The following CRNKL1 variants were observed in gnomAD, a reference collection of about 807,000 sequenced individuals.
CRNKL1 encodes crooked neck-like protein 1.
CRNKL1 carries 35 observed loss-of-function variants against 103.7 expected under a neutral mutation model. The ratio of observed to expected loss-of-function variants is 0.34; its 90% CI spans 0.26 to 0.45. The LOEUF (loss-of-function observed/expected upper bound fraction) is 0.45, where lower values mean the gene tolerates loss of function less well. Ranked by LOEUF, CRNKL1 falls within the 20% of genes least tolerant of loss-of-function variation. The pLI is 1.00. For synonymous variants in CRNKL1, 267 were observed against 282.6 expected, an observed-to-expected ratio of 0.94 and a Z score of 0.55; for missense variants, 645 against 836.0, an observed-to-expected ratio of 0.77 and a Z score of 2.82.
chr20:20,052,394 T>C lies in CRNKL1; in HGVS notation c.-52A>G, dbSNP rs753929976. 1 of 1,614,152 alleles carries C rather than the reference T, an allele frequency of 6.2e-7. No homozygotes were observed. ...CTGTCCCCGGCACGGACGCTAGAAATCGGCTCTGAGAGCTCACCGAAACCA... is the reference window on the plus strand; with the variant it reads ...CTGTCCCCGGCACGGACGCTAGAAACCGGCTCTGAGAGCTCACCGAAACCA... On this transcript the variant is annotated 5_prime_UTR_variant, in exon 1 of 14. Transcript: ENST00000536226.
At chr20:20,036,716 A>G (rs775163482) in intron 13 of CRNKL1, among the ~76,000 whole-genome samples, 7 of 152,234 alleles carry the variant, frequency 4.6e-5, no homozygotes, top group Non-Finnish European at 8.8e-5. Flanking sequence ...ACATCTGTGC[A>G]TTATTATTCC....
intron 9 of CRNKL1, 103 bp from the exon 10 acceptor site, chr20:20,040,869 C>T: frequency 1.3e-6 from 1 of 777,436 alleles, no homozygotes; most frequent in South Asian, 1.7e-5. Context: ...AATTCGATTT[C>T]TCTAAAACTT....
chr20:20,042,585 T>C, intron 7 of CRNKL1, 69 bp from the exon 8 acceptor site: 1 of 1,417,274 alleles, frequency 7.1e-7, no homozygotes. Flanking sequence ...TTAAGCAAGC[T>C]GAAAAAAGGC....
Position 20,040,775 on chromosome 20 carries a change from CA to C in CRNKL1, c.1225-10del. 6.3e-7 allele frequency: 1 copy of C among 1,582,072 alleles called. No homozygotes were observed. Among genetic ancestry groups the C allele is most frequent in the Admixed American group, 1.7e-5 (1 of 58,180 alleles). The stretch of plus-strand genomic sequence containing the variant: ...ATTTTGGCAAATGTGAACTAGAAAA[CA>C]AAAGCACAAAAATATCTAGCTTAAA... On this transcript the variant is annotated splice_polypyrimidine_tract_variant and intron_variant, in intron 9 of 13. Coordinates refer to ENST00000536226, the MANE Select transcript of CRNKL1 (RefSeq NM_001278628.2).
At position 20,049,424 on chromosome 20, in the gene CRNKL1, TCA is replaced by T; in HGVS notation, c.210_211del (p.Phe70LeufsTer3). 1 of 1,582,496 alleles carries T rather than the reference TCA, an allele frequency of 6.3e-7. No homozygotes were observed. Among genetic ancestry groups the T allele is most frequent in the Non-Finnish European group, 8.6e-7 (1 of 1,157,246 alleles). On this transcript the variant is annotated frameshift_variant, in exon 3 of 14. Transcript: ENST00000536226. LOFTEE classifies it high-confidence loss of function. ...AGTCCTGTTTTTTCTTATATTATCT[TCA>T]AAAGTCTGGAAGAAGGCAAAAAGGG... is the stretch of plus-strand genomic sequence containing the variant.
chr20:20,039,568 A>G (rs2043478708), intron 11 of CRNKL1, 41 bp downstream of exon 11: 2 of 1,609,794 alleles, frequency 1.2e-6, no homozygotes, highest in Admixed American at 1.7e-5. Flanking sequence ...AAGACTAAAC[A>G]CGTATCTCAA....
At position 20,046,682 on chromosome 20, in the gene CRNKL1, G is replaced by A. The variant is rs138331806; in HGVS notation, c.622+1083C>T. Among the ~76,000 whole-genome samples, 67 of 152,310 alleles carry A rather than the reference G, an allele frequency of 4.4e-4. No homozygotes were observed. The East Asian group carries it at 9.5e-3, about 22-fold the overall frequency. Reference sequence around the variant, plus strand: ...AATGTTAAGTGACTGGACTGAGGCTGCCCCACTGACAGGGATTCAAACTCC... The same window carrying A: ...AATGTTAAGTGACTGGACTGAGGCTACCCCACTGACAGGGATTCAAACTCC... On this transcript the variant is annotated intron_variant, in intron 5 of 13. Coordinates refer to ENST00000536226, the MANE Select transcript of CRNKL1 (RefSeq NM_001278628.2).
At chr20:20,036,470 T>C (rs377057878) in intron 13 of CRNKL1, 108 bp from the exon 14 acceptor site, 3 of 1,041,778 alleles carry the variant, frequency 2.9e-6, no homozygotes, top group Non-Finnish European at 4.2e-6. Flanking sequence ...TTTTACAAAA[T>C]AACATCAAAG....
chr20:20,049,892 ACTG>A (rs2043658813), intron 2 of CRNKL1, among the ~76,000 whole-genome samples: 4 of 151,058 alleles, frequency 2.6e-5, no homozygotes, highest in Non-Finnish European at 5.9e-5. Context: ...ATCTCGGCTC[ACTG>A]CAGCCTCTGC....
chr20:20,053,182 T>A (rs924505083), upstream of CRNKL1, among the ~76,000 whole-genome samples: 2 of 152,338 alleles, frequency 1.3e-5, no homozygotes, highest in South Asian at 4.1e-4. Context: ...AGATGTTAGC[T>A]GTTATAATAC....
At chr20:20,053,427 C>T, upstream of CRNKL1, among the ~76,000 whole-genome samples, 1 of 152,192 alleles carries the variant, frequency 6.6e-6, no homozygotes, top group Admixed American at 6.5e-5. Context: ...TACATTGACA[C>T]ATCATTATCA....
chr20:20,043,474 A>T lies in CRNKL1; in HGVS notation c.972+18T>A. ...TCTTGGGTTATCTGCAGAGTTGACC[A>T]TCCACACCAGTGCTCACCTTCACTT... On this transcript the variant is annotated intron_variant, in intron 7 of 13. Coordinates refer to ENST00000536226, the MANE Select transcript of CRNKL1 (RefSeq NM_001278628.2). 1 of 1,609,496 alleles carries T rather than the reference A, an allele frequency of 6.2e-7. No homozygotes were observed. Among genetic ancestry groups the T allele is most frequent in the Non-Finnish European group, 8.5e-7 (1 of 1,176,154 alleles).
chr20:20,041,074 T>C (rs886811455), intron 9 of CRNKL1, among the ~76,000 whole-genome samples: 7 of 152,362 alleles, frequency 4.6e-5, no homozygotes, highest in Middle Eastern at 3.4e-3. Context: ...GACTTTGTTT[T>C]GTAGGCATGC....
At position 20,052,328 on chromosome 20, in the gene CRNKL1, G is replaced by A. The variant is rs779297090; in HGVS notation, c.15C>T (p.Thr5=). MAAS[T]AAGKQRIPKV... Reference sequence around the variant, plus strand: ...TGGGAATCCGCTGCTTCCCGGCCGCGGTGGAGGCCGCCATGTCTGCAGCAG... The same window carrying A: ...TGGGAATCCGCTGCTTCCCGGCCGCAGTGGAGGCCGCCATGTCTGCAGCAG... Residue 5 remains threonine, a synonymous_variant, in exon 1 of 14, where the codon ACC becomes ACT. Transcript: ENST00000536226. The A allele has an allele frequency of 5.9e-5, 95 of 1,612,686 alleles. No individual in the cohort carries two copies. The highest frequency in any genetic ancestry group is 7.5e-5 in the Non-Finnish European group (89 of 1,179,660).
chr20:20,052,441 AGG>A lies in CRNKL1; in HGVS notation c.-101_-100del, dbSNP rs750639927. On this transcript the variant is annotated 5_prime_UTR_variant, in exon 1 of 14. Coordinates refer to ENST00000536226, the MANE Select transcript of CRNKL1 (RefSeq NM_001278628.2). ...ACCACAAAGCTTTCAGAAAACAAAC[AGG>A]ATCTCGGAACCGGAAGCGGAACTTG... 6.2e-7 allele frequency: 1 copy of A among 1,614,100 alleles called. No homozygotes were observed. Among genetic ancestry groups the A allele is most frequent in the African/African-American group, 1.3e-5 (1 of 74,940 alleles).
Position 20,035,947 on chromosome 20 carries a change from T to C in CRNKL1, c.*248A>G. 1 of 407,598 alleles carries C rather than the reference T, an allele frequency of 2.5e-6. No individual in the cohort carries two copies. 25.2% of individuals were successfully genotyped at this position (407,598 alleles called of 1,614,324 possible). A position where few individuals can be genotyped will look rare whatever the true frequency, so the allele number is the denominator to read the frequency against. On this transcript the variant is annotated 3_prime_UTR_variant, in exon 14 of 14. Coordinates refer to ENST00000536226, the MANE Select transcript of CRNKL1 (RefSeq NM_001278628.2). ...TACCTTAATTACATTTCCTAATGCA[T>C]GATGTGGACAGACATTAGAAAAGTT...
chr20:20,051,976 G>A (rs2043756631), intron 1 of CRNKL1, among the ~76,000 whole-genome samples: 1 of 152,136 alleles, frequency 6.6e-6, no homozygotes, highest in African/African-American at 2.4e-5. Context: ...AGAAACTCGT[G>A]TTTTGAGTAC....
intron 11 of CRNKL1, 52 bp downstream of exon 11, chr20:20,039,557 T>A: frequency 6.2e-7 from 1 of 1,602,554 alleles, no homozygotes; most frequent in Non-Finnish European, 8.5e-7. Context: ...TCATCTAAAG[T>A]AAGACTAAAC....
At chr20:20,052,785 C>G (rs746330241), upstream of CRNKL1, 2 of 1,465,990 alleles carry the variant, frequency 1.4e-6, no homozygotes, top group African/African-American at 2.8e-5. Context: ...GAAGGGAGAG[C>G]GAGGAAACTA....
Sources: allele counts gnomAD v4.1 joint callset (sites outside exome capture counted in the v4.1 genomes callset), GRCh38; gene constraint gnomAD v4.1.1; transcripts MANE v1.5; gene names NCBI Gene and HGNC (gene_info 2026-07-23, HGNC 2026-07-21).